The following RABGAP1L variants were observed in gnomAD, a reference collection of about 807,000 sequenced individuals.
RABGAP1L encodes rab GTPase-activating protein 1-like.
In RABGAP1L, 63 loss-of-function variants were observed where a neutral mutation model predicts 137.7. The observed-to-expected ratio is 0.46, with a 90% confidence interval of 0.37 to 0.56. RABGAP1L has a LOEUF of 0.56. Among genes scored for constraint, RABGAP1L ranks in the 20% least tolerant of loss-of-function variants. The probability of loss-of-function intolerance (pLI) is 0.00; values close to 1 mark genes in which losing one functional copy is unlikely to be tolerated. For synonymous variants in RABGAP1L, 431 were observed against 433.7 expected (o/e 0.99, Z 0.08); for missense variants, 1,095 against 1,244.0 (o/e 0.88, Z 1.80).
In RABGAP1L at chr1:174,990,746, C is replaced by T. The variant is rs1672001352; in HGVS notation, c.*745C>T. The T allele has an allele frequency of 6.6e-6, 1 of 152,058 alleles. No homozygotes were observed. Among genetic ancestry groups the T allele is most frequent in the African/African-American group, 2.4e-5 (1 of 41,386 alleles). 9.4% of individuals were successfully genotyped at this position (152,058 alleles called of 1,614,324 possible). A position where few individuals can be genotyped will look rare whatever the true frequency, so the allele number is the denominator to read the frequency against. On this transcript the variant is annotated 3_prime_UTR_variant, in exon 26 of 26. Coordinates refer to ENST00000681986, the MANE Select transcript of RABGAP1L (RefSeq NM_001366446.1). ...AGGACTTGTGAGTTCCTAAGTACACCAAAGTATGGACACAGATGTGACTTC... is the reference window on the plus strand; with the variant it reads ...AGGACTTGTGAGTTCCTAAGTACACTAAAGTATGGACACAGATGTGACTTC...
intron 13 of RABGAP1L, among the ~76,000 whole-genome samples, chr1:174,620,791 G>C (rs2148267907): frequency 6.7e-6 from 1 of 149,408 alleles, no homozygotes; most frequent in South Asian, 2.1e-4. Flanking sequence ...GATCAGAGCA[G>C]AAATGAAGGA....
At chr1:174,173,427 G>A (rs1194547304) in intron 1 of RABGAP1L, among the ~76,000 whole-genome samples, 2 of 152,160 alleles carry the variant, frequency 1.3e-5, no homozygotes, top group Non-Finnish European at 2.9e-5. Flanking sequence ...ACAGCACCCG[G>A]CTGTTAAAAA....
chr1:174,257,271 AGC>A (rs1673215919), intron 7 of RABGAP1L, among the ~76,000 whole-genome samples: 4 of 152,330 alleles, frequency 2.6e-5, no homozygotes, highest in Admixed American at 2.6e-4. Context: ...ACTTTGAATA[AGC>A]GTTATTTTAA....
intron 19 of RABGAP1L, among the ~76,000 whole-genome samples, chr1:174,851,909 T>C (rs1648430305): frequency 6.6e-6 from 1 of 152,172 alleles, no homozygotes; most frequent in African/African-American, 2.4e-5. Context: ...ATGAGAGAAA[T>C]TTCTGATATG....
intron 18 of RABGAP1L, among the ~76,000 whole-genome samples, chr1:174,800,939 G>T (rs1297843828): frequency 2.0e-5 from 3 of 152,116 alleles, no homozygotes; most frequent in Non-Finnish European, 4.4e-5. Context: ...TTTGATTGTT[G>T]TTTTGTTTTG....
chr1:174,774,338 C>T (rs989838972), intron 18 of RABGAP1L, among the ~76,000 whole-genome samples: 4 of 152,148 alleles, frequency 2.6e-5, no homozygotes, highest in East Asian at 1.9e-4. Flanking sequence ...TGCCTGTAAT[C>T]CCAGCACTTT....
intron 14 of RABGAP1L, among the ~76,000 whole-genome samples, chr1:174,675,010 T>G (rs1345567261): frequency 6.6e-6 from 1 of 152,048 alleles, no homozygotes; most frequent in East Asian, 1.9e-4. Flanking sequence ...ATGAGTAGGT[T>G]GCAAAAATTT....
At chr1:174,378,591 G>A in intron 12 of RABGAP1L, among the ~76,000 whole-genome samples, 1 of 152,110 alleles carries the variant, frequency 6.6e-6, no homozygotes, top group Non-Finnish European at 1.5e-5. Context: ...CTTCTCTTGA[G>A]AAGTGTCTGT....
chr1:174,708,024 A>G (rs1438577296), intron 17 of RABGAP1L, among the ~76,000 whole-genome samples: 16 of 152,198 alleles, frequency 1.1e-4, no homozygotes, highest in Admixed American at 1.0e-3. Flanking sequence ...AGATAGTTCA[A>G]TTTTTAGAGT....
At chr1:174,807,707 C>A (rs368832890) in intron 18 of RABGAP1L, among the ~76,000 whole-genome samples, 152 of 152,268 alleles carry the variant, frequency 1.0e-3, no homozygotes, top group African/African-American at 3.3e-3. Flanking sequence ...TGCTTACTGG[C>A]ATTTTTGTTT....
intron 13 of RABGAP1L, among the ~76,000 whole-genome samples, chr1:174,571,385 TA>T (rs1179698393): frequency 6.6e-6 from 1 of 152,124 alleles, no homozygotes; most frequent in African/African-American, 2.4e-5. Flanking sequence ...TAGTCAATAA[TA>T]ATTTAATTGT....
chr1:174,854,451 T>C lies in RABGAP1L; in HGVS notation c.2340+42491T>C, dbSNP rs532831964. 3.3e-5 allele frequency among the ~76,000 whole-genome samples: 5 copies of C among 152,240 alleles called. No homozygotes were observed. The South Asian group carries it at 1.0e-3, about 32-fold the overall frequency. On this transcript the variant is annotated intron_variant, in intron 19 of 25. Coordinates refer to ENST00000681986, the MANE Select transcript of RABGAP1L (RefSeq NM_001366446.1). ...AGACCTTTCATTGTAAAGGTGAGAT[T>C]ATTCCTTTAGAAACCATATAAATTA...
intron 11 of RABGAP1L, among the ~76,000 whole-genome samples, chr1:174,316,503 T>G (rs1481907488): frequency 6.6e-6 from 1 of 152,218 alleles, no homozygotes; most frequent in Non-Finnish European, 1.5e-5. Flanking sequence ...AGGTACTGCC[T>G]TGATGGTCTT....
intron 19 of RABGAP1L, among the ~76,000 whole-genome samples, chr1:174,946,938 A>G (rs1465843321): frequency 0.021 from 1,352 of 65,198 alleles, 46 homozygotes; most frequent in African/African-American, 0.067. Flanking sequence ...ATATATATAT[A>G]TATGTGTGTG....
At chr1:174,909,210 A>AT (rs1481056178) in intron 19 of RABGAP1L, among the ~76,000 whole-genome samples, 2 of 151,426 alleles carry the variant, frequency 1.3e-5, no homozygotes, top group African/African-American at 4.9e-5. Context: ...TAAAAAGGAA[A>AT]TTTTTTAAAA....
chr1:174,636,213 A>T (rs377613101), intron 13 of RABGAP1L, among the ~76,000 whole-genome samples: 1 of 152,198 alleles, frequency 6.6e-6, no homozygotes, highest in African/African-American at 2.4e-5. Context: ...ATTTGTCTTC[A>T]ACAAATATCT....
At chr1:174,255,556 G>T (rs1480143278) in intron 7 of RABGAP1L, among the ~76,000 whole-genome samples, 1 of 151,974 alleles carries the variant, frequency 6.6e-6, no homozygotes, top group Admixed American at 6.6e-5. Context: ...ACAAAGTCTC[G>T]CTCTGTCAGC....
At chr1:174,736,434 G>A (rs1211056382) in intron 17 of RABGAP1L, among the ~76,000 whole-genome samples, 1 of 152,024 alleles carries the variant, frequency 6.6e-6, no homozygotes, top group African/African-American at 2.4e-5. Context: ...GGCTTTGCAG[G>A]GTACAGCCCA....
chr1:174,504,264 C>T (rs1250929171), intron 13 of RABGAP1L, among the ~76,000 whole-genome samples: 4 of 151,860 alleles, frequency 2.6e-5, no homozygotes, highest in African/African-American at 7.3e-5. Context: ...TGAGCCAGCA[C>T]GCCTGGCCAG....
Sources: gnomAD v4.1 joint callset for allele counts (sites outside exome capture counted in the v4.1 genomes callset) on GRCh38, gnomAD v4.1.1 for gene constraint, MANE v1.5 for transcripts, NCBI Gene and HGNC (gene_info 2026-07-23, HGNC 2026-07-21) for gene names.